CBR4: variants seen among roughly 807,000 people sequenced by gnomAD.
CBR4 encodes the protein carbonyl reductase 4.
A neutral mutation model predicts 21.0 loss-of-function variants in CBR4; 22 were observed. The ratio of observed to expected loss-of-function variants is 1.05; its 90% CI spans 0.75 to 1.50. The LOEUF is 1.50. Among genes scored for constraint, CBR4 ranks in the 40% most tolerant of loss-of-function variants. CBR4 has a pLI of 0.00. For synonymous variants in CBR4, 100 were observed against 104.4 expected, an observed-to-expected ratio of 0.96 and a Z score of 0.26; for missense variants, 302 against 286.3, an observed-to-expected ratio of 1.05 and a Z score of -0.40.
chr4:168,909,209 T>C (rs182566108), intron 2 of CBR4, among the ~76,000 whole-genome samples: 158 of 152,350 alleles, frequency 1.0e-3, no homozygotes, highest in African/African-American at 3.4e-3. Context: ...TTTTGTTGTG[T>C]TGCTAAGTTA....
rs570137569 is a variant in CBR4, at chr4:169,008,226, C to A, written c.143-470G>T. Reference sequence around the variant, plus strand: ...TAAGTGCTACGGATGCACTATGGCACATATATTATAACGACTATTATTCAA... The same window carrying A: ...TAAGTGCTACGGATGCACTATGGCAAATATATTATAACGACTATTATTCAA... On this transcript the variant is annotated intron_variant, in intron 1 of 4. Transcript: ENST00000306193. Among the ~76,000 whole-genome samples the A allele has an allele frequency of 6.6e-5, 10 of 151,982 alleles. No homozygotes were observed. The East Asian group carries it at 1.9e-3, about 29-fold the overall frequency.
At chr4:168,934,572 T>G (rs1763058633) in intron 2 of CBR4, among the ~76,000 whole-genome samples, 1 of 151,888 alleles carries the variant, frequency 6.6e-6, no homozygotes. Flanking sequence ...CCAATAAATT[T>G]AAAAACCTAG....
chr4:168,909,846 A>C (rs1342743295), intron 2 of CBR4, among the ~76,000 whole-genome samples: 1 of 152,188 alleles, frequency 6.6e-6, no homozygotes, highest in Non-Finnish European at 1.5e-5. Flanking sequence ...TTTTCAAAAA[A>C]GCTTCACTGA....
intron 2 of CBR4, among the ~76,000 whole-genome samples, chr4:168,949,285 G>A (rs1025784208): frequency 3.9e-5 from 6 of 152,030 alleles, no homozygotes; most frequent in Admixed American, 1.3e-4. Flanking sequence ...CAGGGTTTTC[G>A]AGGTAAACAA....
intron 2 of CBR4, among the ~76,000 whole-genome samples, chr4:168,975,038 T>C (rs1248124770): frequency 6.6e-6 from 1 of 152,192 alleles, no homozygotes; most frequent in Non-Finnish European, 1.5e-5. Flanking sequence ...GGGTAGATTG[T>C]TTCAGTGGAA....
At chr4:168,934,273 C>CAAAAAAAAAAAAAAA (rs1206272373) in intron 2 of CBR4, among the ~76,000 whole-genome samples, 1 of 10,666 alleles carries the variant, frequency 9.4e-5, no homozygotes, top group African/African-American at 2.6e-4. Flanking sequence ...ACTAGAAAAG[C>CAAAAAAAAAAAAAAA]AAAAAAAACA....
intron 4 of CBR4, among the ~76,000 whole-genome samples, chr4:168,997,044 T>TC (rs1206778135): frequency 6.6e-6 from 1 of 152,108 alleles, no homozygotes; most frequent in Non-Finnish European, 1.5e-5. Flanking sequence ...CAAAGGACTC[T>TC]CCCCCATATC....
At chr4:168,922,697 A>G (rs754544757) in intron 2 of CBR4, among the ~76,000 whole-genome samples, 107 of 152,262 alleles carry the variant, frequency 7.0e-4, no homozygotes, top group Admixed American at 5.2e-4. Flanking sequence ...GTGGTGCTAC[A>G]GGTTAGCCAT....
intron 2 of CBR4, chr4:168,921,854 T>C (rs1761574827): frequency 1.1e-6 from 1 of 874,464 alleles, no homozygotes; most frequent in South Asian, 1.4e-5. Flanking sequence ...AAAAAATAGA[T>C]TGTATCATCA....
chr4:169,002,182 TG>T lies in CBR4; in HGVS notation c.423del (p.Asn142ThrfsTer14). 1 of 1,476,516 alleles carries T rather than the reference TG, an allele frequency of 6.8e-7. No homozygotes were observed. Among genetic ancestry groups the T allele is most frequent in the Non-Finnish European group, 9.0e-7 (1 of 1,114,276 alleles). The allele number at this position is 1,476,516 out of a possible 1,614,324, so 91.5% of individuals were successfully genotyped here. ...VNVGSIVGLK[G>X]NSGQSVYSAS... The stretch of plus-strand genomic sequence containing the variant: ...GCACTGTAAACGGACTGGCCAGAGT[TG>T]CCTTTTAAGCCAACAATGCTTCCTA... On this transcript the variant is annotated frameshift_variant, in exon 4 of 5. Transcript: ENST00000306193. LOFTEE classifies it high-confidence loss of function.
intron 2 of CBR4, among the ~76,000 whole-genome samples, chr4:168,905,153 T>TG (rs1757408014): frequency 8.9e-5 from 12 of 134,394 alleles, no homozygotes; most frequent in African/African-American, 2.8e-4. Flanking sequence ...TTTTTTTTTT[T>TG]TTTTTTTTTT....
At position 168,990,053 on chromosome 4, in the gene CBR4, T is replaced by G. The variant is rs1764834316; in HGVS notation, c.*97A>C. ...TTAACATTTGTAGCATCAGCAGGTT[T>G]GATTAGCACATGTTACCCATGTAGG... On this transcript the variant is annotated 3_prime_UTR_variant, in exon 5 of 5. Coordinates refer to ENST00000306193, the MANE Select transcript of CBR4 (RefSeq NM_032783.5). 2 of 1,336,996 alleles carry G rather than the reference T, an allele frequency of 1.5e-6. No individual in the cohort carries two copies. Among genetic ancestry groups the G allele is most frequent in the Admixed American group, 6.0e-5 (2 of 33,360 alleles). The allele number at this position is 1,336,996 out of a possible 1,614,324, so 82.8% of individuals were successfully genotyped here. A position where few individuals can be genotyped will look rare whatever the true frequency, so the allele number is the denominator to read the frequency against.
intron 2 of CBR4, among the ~76,000 whole-genome samples, chr4:168,894,965 A>G (rs1754796157): frequency 6.6e-6 from 1 of 152,166 alleles, no homozygotes; most frequent in Non-Finnish European, 1.5e-5. Context: ...GTTTTATGCA[A>G]AATAATTTTG....
intron 2 of CBR4, chr4:168,903,750 T>C: frequency 6.2e-7 from 1 of 1,606,576 alleles, no homozygotes; most frequent in Non-Finnish European, 8.5e-7. Flanking sequence ...TTTGTTTCTA[T>C]TCACAGATCT....
rs369425785 is a variant in CBR4, at chr4:168,898,588, G to A, written n.170-3823C>T. ...TGGATGAATCAGGTGATGAAGTTCA[G>A]TATGGAGATGTGCCTGTGGAAAATG... On this transcript the variant is annotated intron_variant and non_coding_transcript_variant, in intron 2 of 3. Coordinates refer to the CBR4 transcript ENST00000509108. The A allele has an allele frequency of 6.2e-7, 1 of 1,613,530 alleles. No homozygotes were observed. The highest frequency in any genetic ancestry group is 8.5e-7 in the Non-Finnish European group (1 of 1,179,520).
chr4:168,922,706 A>G (rs1761822041), intron 2 of CBR4, among the ~76,000 whole-genome samples: 1 of 152,250 alleles, frequency 6.6e-6, no homozygotes, highest in South Asian at 2.1e-4. Context: ...CAGGTTAGCC[A>G]TGCTTTCAAG....
At chr4:168,954,778 G>C (rs1763637584) in intron 2 of CBR4, among the ~76,000 whole-genome samples, 1 of 152,132 alleles carries the variant, frequency 6.6e-6, no homozygotes, top group Non-Finnish European at 1.5e-5. Context: ...GTATTAGATA[G>C]GCAAAGAAAA....
Position 168,921,587 on chromosome 4 carries a change from A to G in CBR4, n.170-26822T>C, listed in dbSNP as rs781313666. 1.9e-6 allele frequency: 3 copies of G among 1,609,784 alleles called. No individual in the cohort carries two copies. Among genetic ancestry groups the G allele is most frequent in the East Asian group, 4.5e-5 (2 of 44,744 alleles). ...GCTGGCAACTAGATGGAAAGCCCGT[A>G]CGCCCTGACAGTGCTCACAAGATGC... On this transcript the variant is annotated intron_variant and non_coding_transcript_variant, in intron 2 of 3. Transcript: ENST00000509108.
At chr4:168,981,899 A>G (rs1764557525) in intron 2 of CBR4, among the ~76,000 whole-genome samples, 1 of 152,260 alleles carries the variant, frequency 6.6e-6, no homozygotes, top group Non-Finnish European at 1.5e-5. Context: ...GCCTTACAAG[A>G]GGTCCATAAG....
Sources: gnomAD v4.1 joint callset for allele counts (sites outside exome capture counted in the v4.1 genomes callset) on GRCh38, gnomAD v4.1.1 for gene constraint, MANE v1.5 for transcripts, NCBI Gene and HGNC (gene_info 2026-07-23, HGNC 2026-07-21) for gene names.